COL15A1: variants seen among roughly 807,000 people sequenced by gnomAD.
The protein encoded by COL15A1 is collagen alpha-1(XV) chain.
A neutral mutation model predicts 165.9 loss-of-function variants in COL15A1; 111 were observed. That is an observed-to-expected ratio of 0.67 (90% CI 0.57 to 0.78). The LOEUF (loss-of-function observed/expected upper bound fraction) is 0.78, where lower values mean the gene tolerates loss of function less well. Among genes scored for constraint, COL15A1 ranks in the 30% least tolerant of loss-of-function variants. COL15A1 has a pLI of 0.00. For synonymous variants in COL15A1, 659 were observed against 674.8 expected, an observed-to-expected ratio of 0.98 and a Z score of 0.36; for missense variants, 1,745 against 1,789.7, an observed-to-expected ratio of 0.98 and a Z score of 0.45.
rs532550988 is a variant in COL15A1, at chr9:98,952,952, G to A, written c.100+8702G>A. 3.3e-5 allele frequency among the ~76,000 whole-genome samples: 5 copies of A among 152,274 alleles called. No homozygotes were observed. In the South Asian group the frequency reaches 6.2e-4, roughly 19 times the overall value. ...TTGTTACTTTGTGCTATGTTTTACAGTCTGGTAAGAGAAGTTACCCCTGCC... is the reference window on the plus strand; with the variant it reads ...TTGTTACTTTGTGCTATGTTTTACAATCTGGTAAGAGAAGTTACCCCTGCC... On this transcript the variant is annotated intron_variant, in intron 2 of 41. Coordinates refer to ENST00000375001, the MANE Select transcript of COL15A1 (RefSeq NM_001855.5).
Position 99,042,042 on chromosome 9 carries a change from C to T in COL15A1, c.2512-3C>T, listed in dbSNP as rs1424504639. 1 of 1,596,854 alleles carries T rather than the reference C, an allele frequency of 6.3e-7. No individual in the cohort carries two copies. Among genetic ancestry groups the T allele is most frequent in the Non-Finnish European group, 8.6e-7 (1 of 1,165,924 alleles). On this transcript the variant is annotated splice_polypyrimidine_tract_variant and splice_region_variant and intron_variant, in intron 23 of 41. Transcript: ENST00000375001. Reference sequence around the variant, plus strand: ...CCAAATACTATATAACAATTCCTTCCAGGGTCCTAGAGGACCAAAAGGTGA... The same window carrying T: ...CCAAATACTATATAACAATTCCTTCTAGGGTCCTAGAGGACCAAAAGGTGA...
chr9:99,014,829 A>T (rs1178443449), intron 9 of COL15A1, among the ~76,000 whole-genome samples: 1 of 152,170 alleles, frequency 6.6e-6, no homozygotes, highest in African/African-American at 2.4e-5. Flanking sequence ...ATGCAGGACA[A>T]CTCAAAGTGG....
intron 35 of COL15A1, among the ~76,000 whole-genome samples, chr9:99,056,970 T>C (rs1418099177): frequency 6.6e-6 from 1 of 152,242 alleles, no homozygotes; most frequent in Non-Finnish European, 1.5e-5. Flanking sequence ...TTTGGGTTGT[T>C]TCTACTTTTT....
At chr9:99,034,608 A>T (rs1839264635) in intron 17 of COL15A1, 24 bp downstream of exon 17, 2 of 1,481,354 alleles carry the variant, frequency 1.4e-6, no homozygotes, top group South Asian at 1.3e-5. Context: ...AAAAAAAAAA[A>T]AAAAAAGAAC....
chr9:98,947,323 C>T (rs1305041008), intron 2 of COL15A1, among the ~76,000 whole-genome samples: 1 of 151,188 alleles, frequency 6.6e-6, no homozygotes, highest in East Asian at 1.9e-4. Context: ...TGTAAGAGTC[C>T]CTATATATGA....
Position 99,024,864 on chromosome 9 carries a change from G to A in COL15A1, c.1855-10G>A. On this transcript the variant is annotated splice_polypyrimidine_tract_variant and intron_variant, in intron 14 of 41. Transcript: ENST00000375001. The stretch of plus-strand genomic sequence containing the variant: ...CCCCACTGTTTCTAACAGAGTCTTT[G>A]TGTTTTTAGGGTCCTCCAGGACCCC... 1 of 1,611,152 alleles carries A rather than the reference G, an allele frequency of 6.2e-7. No individual in the cohort carries two copies. Among genetic ancestry groups the A allele is most frequent in the African/African-American group, 1.3e-5 (1 of 74,712 alleles).
At chr9:98,992,943 TG>T (rs1838472870) in intron 5 of COL15A1, among the ~76,000 whole-genome samples, 1 of 152,146 alleles carries the variant, frequency 6.6e-6, no homozygotes, top group African/African-American at 2.4e-5. Flanking sequence ...AAGAAAAAGT[TG>T]TTGGTGATTT....
chr9:99,029,630 A>G (rs1564068737), intron 16 of COL15A1, among the ~76,000 whole-genome samples: 1 of 152,190 alleles, frequency 6.6e-6, no homozygotes, highest in Non-Finnish European at 1.5e-5. Context: ...GCCTCCATAA[A>G]ACCAAATAGA....
Position 99,034,589 on chromosome 9 carries a change from A to C in COL15A1, c.2079+5A>C. On this transcript the variant is annotated splice_donor_5th_base_variant and intron_variant, in intron 17 of 41. Transcript: ENST00000375001. Reference sequence around the variant, plus strand: ...AATGGCTCAGTTGGTGAAAAGGTAAAAAAAAAAAAAAAAAAAAAAAAAAAA... The same window carrying C: ...AATGGCTCAGTTGGTGAAAAGGTAACAAAAAAAAAAAAAAAAAAAAAAAAA... The C allele has an allele frequency of 4.3e-6, 2 of 460,714 alleles. No homozygotes were observed. Among genetic ancestry groups the C allele is most frequent in the Non-Finnish European group, 5.4e-6 (2 of 367,224 alleles). 28.5% of individuals were successfully genotyped at this position (460,714 alleles called of 1,614,324 possible). A position where few individuals can be genotyped will look rare whatever the true frequency, so the allele number is the denominator to read the frequency against.
At chr9:98,982,598 G>A (rs533560646) in intron 2 of COL15A1, among the ~76,000 whole-genome samples, 12 of 150,778 alleles carry the variant, frequency 8.0e-5, no homozygotes, top group African/African-American at 2.9e-4. Context: ...AAACCAGCAA[G>A]TCTAGATGAC....
intron 36 of COL15A1, 90 bp from the exon 37 acceptor site, chr9:99,061,881 C>G (rs944613526): frequency 1.1e-5 from 15 of 1,420,304 alleles, no homozygotes; most frequent in Non-Finnish European, 1.3e-5. Flanking sequence ...GGGGACGGCT[C>G]CTAGTTGACT....
At chr9:98,997,221 A>G (rs1838564286) in intron 6 of COL15A1, 140 bp downstream of exon 6, 1 of 1,035,270 alleles carries the variant, frequency 9.7e-7, no homozygotes, top group Non-Finnish European at 1.4e-6. Context: ...AACCACCCTC[A>G]TTTTACAGAC....
At position 99,046,138 on chromosome 9, in the gene COL15A1, C is replaced by T. The variant is rs1020199842; in HGVS notation, c.2679+1368C>T. On this transcript the variant is annotated intron_variant, in intron 26 of 41. Transcript: ENST00000375001. ...CAGCAGGCTGCTGCAGATGCCATGG[C>T]GGTGGTTCCTACTGAAGCCCAGCTT... Among the ~76,000 whole-genome samples, 15 of 152,220 alleles carry T rather than the reference C, an allele frequency of 9.9e-5. 1 individual carries two copies. The highest frequency in any genetic ancestry group is 8.8e-5 in the Non-Finnish European group (6 of 68,030).
In COL15A1 at chr9:98,996,934, C is replaced by A. The variant is rs199912399; in HGVS notation, c.805C>A (p.Pro269Thr). The A allele has an allele frequency of 4.9e-5, 79 of 1,613,570 alleles. No homozygotes were observed. Among genetic ancestry groups the A allele is most frequent in the Non-Finnish European group, 6.4e-5 (76 of 1,179,710 alleles). ...TGCATCTCATTTTTCCTCCCTTCAG[C>A]CCAAAGAAGCAAAAGTTGAACCCAT... ...LEAVTYTQAS[P>T]KEAKVEPINT... The change falls in exon 6 of 42, where the codon CCC (proline) becomes ACC (threonine). Residue 269 changes from proline to threonine, a missense_variant and splice_region_variant. Transcript: ENST00000375001.
chr9:98,960,002 G>C (rs1193973643), intron 2 of COL15A1, among the ~76,000 whole-genome samples: 2 of 152,114 alleles, frequency 1.3e-5, no homozygotes, highest in African/African-American at 4.8e-5. Flanking sequence ...TGCTTGCGCT[G>C]TTCCTCAGCC....
chr9:99,038,676 C>T lies in COL15A1; in HGVS notation c.2418C>T (p.Ile806=). The change falls in exon 22 of 42, where the codon ATC becomes ATT. Residue 806 remains isoleucine, a synonymous_variant. Transcript: ENST00000375001. ...GATTTTTCTCTTTTCAGTCCTTGAT[C>T]AATATCACCCATGGATTCATGAATT... ...GHIKVLSNSL[I]NITHGFMNFS... 1 of 1,602,662 alleles carries T rather than the reference C, an allele frequency of 6.2e-7. No homozygotes were observed. The highest frequency in any genetic ancestry group is 8.5e-7 in the Non-Finnish European group (1 of 1,169,732).
In COL15A1 at chr9:99,000,961, T is replaced by C. The variant is rs371647471; in HGVS notation, c.1065+10T>C. On this transcript the variant is annotated intron_variant, in intron 7 of 41. Transcript: ENST00000375001. ...CATTGCTGAAGAAAAGGTGAGTAGA[T>C]GGTAAATTTCATTTGATTAGTCAGT... The C allele has an allele frequency of 2.4e-6, 3 of 1,262,400 alleles. No individual in the cohort carries two copies. The highest frequency in any genetic ancestry group is 1.5e-5 in the African/African-American group (1 of 68,176). The allele number at this position is 1,262,400 out of a possible 1,614,324, so 78.2% of individuals were successfully genotyped here.
chr9:98,991,376 C>A (rs1057361605), intron 5 of COL15A1, among the ~76,000 whole-genome samples: 1 of 152,182 alleles, frequency 6.6e-6, no homozygotes, highest in South Asian at 2.1e-4. Context: ...ACAGGGTGCT[C>A]ATTGGTGCGT....
chr9:98,961,447 G>T (rs1385032626), intron 2 of COL15A1, among the ~76,000 whole-genome samples: 2 of 152,190 alleles, frequency 1.3e-5, no homozygotes, highest in African/African-American at 4.8e-5. Context: ...AGATCTGAGG[G>T]GTGAACAGAT....
Sources: allele counts gnomAD v4.1 joint callset (sites outside exome capture counted in the v4.1 genomes callset), GRCh38; gene constraint gnomAD v4.1.1; transcripts MANE v1.5; gene names NCBI Gene and HGNC (gene_info 2026-07-23, HGNC 2026-07-21).